Variants in GLP2R observed in about 807,000 individuals in gnomAD.
GLP2R encodes glucagon-like peptide 2 receptor.
Under a neutral mutation model 68.2 loss-of-function variants are expected in GLP2R, and 59 were observed. That is an observed-to-expected ratio of 0.87 (90% CI 0.70 to 1.07). The LOEUF (loss-of-function observed/expected upper bound fraction) is 1.07, where lower values mean the gene tolerates loss of function less well. GLP2R is among the 50% of genes least tolerant of loss of function. GLP2R has a pLI of 0.00. For synonymous variants in GLP2R, 270 were observed against 265.4 expected (o/e 1.02, Z -0.17); for missense variants, 548 against 677.4 (o/e 0.81, Z 2.12).
chr17:9,890,737 G>GT lies in GLP2R; in HGVS notation c.*1033dup, dbSNP rs2067283960. ...TGCTGATCAGAATTCAATTTGCCCA[G>GT]TGGGAATAAATACTGAAAGCAGGAG... On this transcript the variant is annotated 3_prime_UTR_variant, in exon 13 of 13. Coordinates refer to ENST00000262441, the MANE Select transcript of GLP2R (RefSeq NM_004246.3). The GT allele has an allele frequency of 6.6e-6, 1 of 152,288 alleles. No homozygotes were observed. The highest frequency in any genetic ancestry group is 1.5e-5 in the Non-Finnish European group (1 of 68,102). 9.4% of individuals were successfully genotyped at this position (152,288 alleles called of 1,614,324 possible).
chr17:9,851,240 A>G (rs755928743), intron 4 of GLP2R, among the ~76,000 whole-genome samples: 1 of 152,064 alleles, frequency 6.6e-6, no homozygotes, highest in Non-Finnish European at 1.5e-5. Flanking sequence ...TCGACCCAGT[A>G]ATGTCTTGAT....
At chr17:9,861,970 C>T in intron 8 of GLP2R, 51 bp from the exon 9 acceptor site, 1 of 1,274,194 alleles carries the variant, frequency 7.8e-7, no homozygotes, top group Non-Finnish European at 1.1e-6. Flanking sequence ...TGACTTTCAA[C>T]CTCCTCTTGT....
At chr17:9,883,545 T>C (rs2067215658) in intron 11 of GLP2R, among the ~76,000 whole-genome samples, 1 of 152,270 alleles carries the variant, frequency 6.6e-6, no homozygotes, top group Middle Eastern at 3.4e-3. Context: ...AAGAAATTCA[T>C]GCCTGGAAAC....
At chr17:9,833,656 A>G (rs917018057) in intron 1 of GLP2R, 151 bp from the exon 2 acceptor site, 3 of 596,690 alleles carry the variant, frequency 5.0e-6, no homozygotes, top group Non-Finnish European at 6.0e-6. Context: ...TACTCTTAAG[A>G]TAGAACATAA....
At chr17:9,835,174 G>T (rs561694084) in intron 2 of GLP2R, among the ~76,000 whole-genome samples, 94 of 151,896 alleles carry the variant, frequency 6.2e-4, no homozygotes, top group African/African-American at 2.2e-3. Context: ...GATTACAGGC[G>T]CCCGCCACCA....
rs2066680809 is a variant in GLP2R, at chr17:9,831,671, G to T, written c.190-2136G>T. Among the ~76,000 whole-genome samples, 2 of 152,198 alleles carry T rather than the reference G, an allele frequency of 1.3e-5. 1 individual carries two copies. Among genetic ancestry groups the T allele is most frequent in the Non-Finnish European group, 2.9e-5 (2 of 68,036 alleles). On this transcript the variant is annotated intron_variant, in intron 1 of 12. Transcript: ENST00000262441. ...GACTTGGGACAAGGATGGCTGAGAT[G>T]CTAAATCCTGAGACCACAGGCCTTA...
At chr17:9,875,898 A>T (rs2067138625) in intron 10 of GLP2R, among the ~76,000 whole-genome samples, 1 of 152,174 alleles carries the variant, frequency 6.6e-6, no homozygotes, top group Admixed American at 6.5e-5. Flanking sequence ...TTTTTTTGAA[A>T]TGGAGTTTCA....
At position 9,889,742 on chromosome 17, in the gene GLP2R, C is replaced by G; in HGVS notation, c.*37C>G. On this transcript the variant is annotated 3_prime_UTR_variant, in exon 13 of 13. Coordinates refer to ENST00000262441, the MANE Select transcript of GLP2R (RefSeq NM_004246.3). ...ACCACCCTGGCTCTGCTCCCAGGGA[C>G]TCTTGAGGGGGCCCAGGAAGAGGAA... is the stretch of plus-strand genomic sequence containing the variant. 1 of 1,317,608 alleles carries G rather than the reference C, an allele frequency of 7.6e-7. No homozygotes were observed. The highest frequency in any genetic ancestry group is 1.0e-6 in the Non-Finnish European group (1 of 963,904). 81.6% of individuals were successfully genotyped at this position (1,317,608 alleles called of 1,614,324 possible).
intron 4 of GLP2R, among the ~76,000 whole-genome samples, chr17:9,853,945 C>A (rs992786525): frequency 2.6e-5 from 4 of 152,152 alleles, no homozygotes; most frequent in African/African-American, 7.2e-5. Context: ...ACAAAAAAAT[C>A]GCATTTAATA....
intron 1 of GLP2R, among the ~76,000 whole-genome samples, chr17:9,826,688 T>C (rs1417859299): frequency 2.0e-5 from 3 of 152,236 alleles, no homozygotes; most frequent in Non-Finnish European, 4.4e-5. Context: ...CCCTTCTGTT[T>C]CCTTTTTCCT....
At chr17:9,887,436 G>A (rs1260825522) in intron 11 of GLP2R, among the ~76,000 whole-genome samples, 1 of 152,188 alleles carries the variant, frequency 6.6e-6, no homozygotes, top group Non-Finnish European at 1.5e-5. Context: ...GCTGAGACAG[G>A]AGAATGCTTG....
chr17:9,886,918 G>C (rs1348617109), intron 11 of GLP2R, among the ~76,000 whole-genome samples: 2 of 152,084 alleles, frequency 1.3e-5, no homozygotes, highest in Admixed American at 1.3e-4. Flanking sequence ...GCAAGCATTG[G>C]GCCCTGCACA....
intron 4 of GLP2R, among the ~76,000 whole-genome samples, chr17:9,849,924 T>G (rs1165018837): frequency 6.6e-6 from 1 of 152,182 alleles, no homozygotes; most frequent in Non-Finnish European, 1.5e-5. Context: ...ATTTCCAATA[T>G]TTTATTCCTA....
At chr17:9,842,365 G>A in intron 3 of GLP2R, 130 bp from the exon 4 acceptor site, 1 of 1,048,718 alleles carries the variant, frequency 9.5e-7, no homozygotes, top group Non-Finnish European at 1.4e-6. Context: ...TAAACAGTGA[G>A]GATGTTAATG....
intron 1 of GLP2R, among the ~76,000 whole-genome samples, chr17:9,831,763 A>G (rs993659220): frequency 6.6e-6 from 1 of 152,158 alleles, no homozygotes; most frequent in African/African-American, 2.4e-5. Flanking sequence ...ACTGTGGAGC[A>G]GTGTGGAGGG....
chr17:9,885,680 A>G (rs1018744826), intron 11 of GLP2R, among the ~76,000 whole-genome samples: 6 of 151,942 alleles, frequency 3.9e-5, no homozygotes, highest in Non-Finnish European at 8.8e-5. Context: ...AGAAACTTCC[A>G]GCCCTCTTAA....
intron 4 of GLP2R, among the ~76,000 whole-genome samples, chr17:9,853,537 A>T (rs1269760871): frequency 6.6e-6 from 1 of 152,254 alleles, no homozygotes; most frequent in Non-Finnish European, 1.5e-5. Flanking sequence ...GAGATGGAAC[A>T]TCACTACTGA....
rs189010203 is a variant in GLP2R, at chr17:9,836,302, C to T, written c.278-69C>T. 46 of 1,066,886 alleles carry T rather than the reference C, an allele frequency of 4.3e-5. No individual in the cohort carries two copies. In the East Asian group the frequency reaches 6.2e-4, roughly 14 times the overall value. 66.1% of individuals were successfully genotyped at this position (1,066,886 alleles called of 1,614,324 possible). Reference sequence around the variant, plus strand: ...CCAGGAAGGTGGGCTCCCACGGTGCCTCTGCCTCCATCAGTGGCATCCCTG... The same window carrying T: ...CCAGGAAGGTGGGCTCCCACGGTGCTTCTGCCTCCATCAGTGGCATCCCTG... On this transcript the variant is annotated intron_variant, in intron 2 of 12. Coordinates refer to ENST00000262441, the MANE Select transcript of GLP2R (RefSeq NM_004246.3).
intron 11 of GLP2R, among the ~76,000 whole-genome samples, chr17:9,880,813 T>C (rs901814281): frequency 4.6e-5 from 7 of 152,200 alleles, no homozygotes; most frequent in African/African-American, 1.7e-4. Context: ...TTTTATTAAG[T>C]GCCTATTTTT....
Sources: gnomAD v4.1 joint callset for allele counts (sites outside exome capture counted in the v4.1 genomes callset) on GRCh38, gnomAD v4.1.1 for gene constraint, MANE v1.5 for transcripts, NCBI Gene and HGNC (gene_info 2026-07-23, HGNC 2026-07-21) for gene names.